SOX5: variants seen among roughly 807,000 people sequenced by gnomAD.
SOX5 encodes transcription factor SOX-5.
SOX5 carries 9 observed loss-of-function variants against 92.0 expected under a neutral mutation model. The observed-to-expected ratio is 0.10, with a 90% CI of 0.06 to 0.17. The LOEUF is 0.17. Ranked by LOEUF, SOX5 falls within the 10% of genes least tolerant of loss-of-function variation. The pLI, the probability that SOX5 is intolerant of heterozygous loss-of-function variation, is 1.00. For missense variants in SOX5, 642 were observed against 944.5 expected (o/e 0.68, Z 4.20); for synonymous variants, 344 against 336.3 (o/e 1.02, Z -0.25).
chr12:23,860,952 T>TAAAAAA (rs71059935), intron 2 of SOX5, among the ~76,000 whole-genome samples: 26 of 45,914 alleles, frequency 5.7e-4, no homozygotes, highest in African/African-American at 2.1e-3. Flanking sequence ...GTATATTTTG[T>TAAAAAA]AAAAAAAAAA....
intron 4 of SOX5, among the ~76,000 whole-genome samples, chr12:24,174,385 T>A (rs1954565985): frequency 6.6e-6 from 1 of 152,190 alleles, no homozygotes; most frequent in Admixed American, 6.5e-5. Context: ...AAATAGCTGC[T>A]TTGTTTTCTT....
At chr12:23,915,275 C>A (rs1336466635) in intron 1 of SOX5, among the ~76,000 whole-genome samples, 1 of 152,078 alleles carries the variant, frequency 6.6e-6, no homozygotes, top group Non-Finnish European at 1.5e-5. Flanking sequence ...AATTGAATAT[C>A]ATTTAAACCA....
At chr12:24,424,102 A>G (rs2136963503) in intron 1 of SOX5, among the ~76,000 whole-genome samples, 1 of 152,326 alleles carries the variant, frequency 6.6e-6, no homozygotes, top group African/African-American at 2.4e-5. Context: ...CAGCTGAAAA[A>G]TATTACAGTG....
intron 3 of SOX5, among the ~76,000 whole-genome samples, chr12:23,764,726 GTAGAGA>G (rs1337053750): frequency 1.3e-5 from 2 of 152,044 alleles, no homozygotes; most frequent in South Asian, 2.1e-4. Flanking sequence ...AAAGTGGGTG[GTAGAGA>G]TAAAGAAGAT....
chr12:24,219,610 AAG>A (rs1263222709), intron 3 of SOX5, among the ~76,000 whole-genome samples: 5 of 152,118 alleles, frequency 3.3e-5, no homozygotes, highest in Non-Finnish European at 4.4e-5. Flanking sequence ...TCATGATCAT[AAG>A]AGTTATATGA....
rs188717077 is a variant in SOX5, at chr12:24,495,325, A to T, written c.-251+67004T>A. Among the ~76,000 whole-genome samples the T allele has an allele frequency of 3.9e-5, 6 of 152,316 alleles. No homozygotes were observed. The East Asian group carries it at 1.2e-3, about 29-fold the overall frequency. On this transcript the variant is annotated intron_variant, in intron 1 of 4. Transcript: ENST00000446891. ...AATCTAATCAAAGAGAACCAGTATG[A>T]AGTAGGTTCAGAATCAGAGGACATG...
chr12:24,158,488 T>C (rs1952424495), intron 4 of SOX5, among the ~76,000 whole-genome samples: 1 of 151,968 alleles, frequency 6.6e-6, no homozygotes, highest in African/African-American at 2.4e-5. Context: ...ATTTGTAACT[T>C]TCTTGGTATG....
intron 2 of SOX5, among the ~76,000 whole-genome samples, chr12:24,286,348 T>C (rs145379073): frequency 1.3e-5 from 2 of 152,248 alleles, no homozygotes; most frequent in African/African-American, 4.8e-5. Context: ...CAGAGCATAG[T>C]GTGCATGACA....
At chr12:24,029,261 C>T (rs1370797639) in intron 4 of SOX5, among the ~76,000 whole-genome samples, 1 of 151,782 alleles carries the variant, frequency 6.6e-6, no homozygotes, top group African/African-American at 2.4e-5. Flanking sequence ...AAAACTTCTC[C>T]AACATTTTAT....
chr12:23,594,502 T>C (rs1046024964), intron 9 of SOX5, among the ~76,000 whole-genome samples: 5 of 152,072 alleles, frequency 3.3e-5, no homozygotes, highest in Non-Finnish European at 5.9e-5. Context: ...GGGAGTGCTG[T>C]AGAAGCCCTT....
intron 4 of SOX5, among the ~76,000 whole-genome samples, chr12:24,081,647 T>C (rs549669874): frequency 1.3e-5 from 2 of 152,132 alleles, no homozygotes; most frequent in African/African-American, 4.8e-5. Context: ...TTTTGTTTCA[T>C]GGAATACTTG....
intron 4 of SOX5, among the ~76,000 whole-genome samples, chr12:24,189,957 G>A (rs1460835037): frequency 6.6e-6 from 1 of 152,118 alleles, no homozygotes; most frequent in Non-Finnish European, 1.5e-5. Flanking sequence ...CTATGTGGCA[G>A]AATGAAAATA....
At chr12:23,954,595 ACTT>A (rs1417497897), upstream of SOX5, among the ~76,000 whole-genome samples, 1 of 152,020 alleles carries the variant, frequency 6.6e-6, no homozygotes, top group Admixed American at 6.6e-5. Flanking sequence ...GTAATAGTGG[ACTT>A]CTTCAAAAAA....
At chr12:24,010,345 T>G (rs1952771273) in intron 4 of SOX5, among the ~76,000 whole-genome samples, 1 of 152,286 alleles carries the variant, frequency 6.6e-6, no homozygotes, top group African/African-American at 2.4e-5. Flanking sequence ...TAAATATGTG[T>G]AAGATGAATG....
rs201455508 is a variant in SOX5 at position 23,533,909 on chromosome 12, TAAA to T, written c.*307_*309del. On this transcript the variant is annotated 3_prime_UTR_variant, in exon 15 of 15. Transcript: ENST00000451604. ...AGAACAAACAGCCATAAAGTTTATT[TAAA>T]AAAAAAAAAAAGTTGACGGGTAAGA... 16 of 194,762 alleles carry T rather than the reference TAAA, an allele frequency of 8.2e-5. No homozygotes were observed. The highest frequency in any genetic ancestry group is 3.6e-4 in the East Asian group (3 of 8,338). 12.1% of individuals were successfully genotyped at this position (194,762 alleles called of 1,614,324 possible).
chr12:24,095,118 CACACACACACAGAGAG>C (rs1189378909), intron 4 of SOX5, among the ~76,000 whole-genome samples: 333 of 82,694 alleles, frequency 4.0e-3, no homozygotes, highest in Non-Finnish European at 5.7e-3. Context: ...CACACACACA[CACACACACACAGAGAG>C]AGAGAGAGAG....
chr12:23,708,630 T>C (rs532093271), intron 6 of SOX5, among the ~76,000 whole-genome samples: 3 of 152,244 alleles, frequency 2.0e-5, no homozygotes, highest in South Asian at 2.1e-4. Context: ...TCAGAACAGT[T>C]AGGTAGCTGT....
At chr12:24,504,200 C>G (rs927107344) in intron 1 of SOX5, among the ~76,000 whole-genome samples, 2 of 152,138 alleles carry the variant, frequency 1.3e-5, no homozygotes, top group Admixed American at 6.5e-5. Flanking sequence ...AACAATTTAA[C>G]ATCAATACTT....
rs12303729 is a variant in SOX5, at chr12:24,079,586, G to A, written c.-2+133757C>T. Among the ~76,000 whole-genome samples the A allele has an allele frequency of 6.1e-3, 920 of 151,930 alleles. 11 individuals are homozygous for A. Among genetic ancestry groups the A allele is most frequent in the African/African-American group, 0.021 (852 of 41,478 alleles). ...ATTAATAATATCCTAATCCTGCAAC[G>A]ACACTGAAACACTAATTTGAAACCA... On this transcript the variant is annotated intron_variant, in intron 4 of 4. Coordinates refer to the SOX5 transcript ENST00000446891.
Sources: allele counts gnomAD v4.1 joint callset (sites outside exome capture counted in the v4.1 genomes callset), GRCh38; gene constraint gnomAD v4.1.1; transcripts MANE v1.5; gene names NCBI Gene and HGNC (gene_info 2026-07-23, HGNC 2026-07-21).